CERK: variants seen among roughly 807,000 people sequenced by gnomAD.
CERK encodes the protein ceramide kinase.
In CERK, 39 loss-of-function variants were observed where a neutral mutation model predicts 63.4. That is an observed-to-expected ratio of 0.61 (90% CI 0.48 to 0.80). CERK has a LOEUF of 0.80. Among genes scored for constraint, CERK ranks in the 30% least tolerant of loss-of-function variants. CERK has a pLI of 0.00. For missense variants in CERK, 670 were observed against 714.1 expected (o/e 0.94, Z 0.70); for synonymous variants, 302 against 280.0 (o/e 1.08, Z -0.78).
chr22:46,689,383 T>C (rs577033324), intron 12 of CERK, among the ~76,000 whole-genome samples: 1 of 152,342 alleles, frequency 6.6e-6, no homozygotes, highest in South Asian at 2.1e-4. Flanking sequence ...CTTTTGAAAT[T>C]TTTTTGAGAT....
At chr22:46,731,481 G>A (rs1010230760) in intron 1 of CERK, among the ~76,000 whole-genome samples, 2 of 152,262 alleles carry the variant, frequency 1.3e-5, no homozygotes, top group Non-Finnish European at 2.9e-5. Context: ...CCACCTGGCA[G>A]TACCAGCGCC....
At chr22:46,722,636 C>T (rs1418669806) in intron 1 of CERK, among the ~76,000 whole-genome samples, 8 of 151,554 alleles carry the variant, frequency 5.3e-5, no homozygotes, top group Non-Finnish European at 7.4e-5. Flanking sequence ...CTCGGCTCAC[C>T]GCAACCTCCA....
At position 46,699,914 on chromosome 22, in the gene CERK, C is replaced by A. The variant is rs184998551; in HGVS notation, c.791-449G>T. ...GACCAGGCTGGCCAGAATGGTGAAA[C>A]CTTGTCTCTACTAAACATATAAAAA... On this transcript the variant is annotated intron_variant, in intron 7 of 12. Transcript: ENST00000216264. Among the ~76,000 whole-genome samples, 670 of 152,270 alleles carry A rather than the reference C, an allele frequency of 4.4e-3. 11 individuals carry two copies. Among genetic ancestry groups the A allele is most frequent in the Admixed American group, 0.027 (407 of 15,284 alleles).
chr22:46,726,765 C>A (rs780544301), intron 1 of CERK, among the ~76,000 whole-genome samples: 3 of 152,086 alleles, frequency 2.0e-5, no homozygotes, highest in African/African-American at 7.2e-5. Flanking sequence ...GTCAAACTGT[C>A]CCCCGCCCCT....
At position 46,737,994 on chromosome 22, in the gene CERK, C is replaced by T. The variant is rs1301190242; in HGVS notation, c.142+13G>A. 1 of 1,171,360 alleles carries T rather than the reference C, an allele frequency of 8.5e-7. No homozygotes were observed. The highest frequency in any genetic ancestry group is 1.1e-6 in the Non-Finnish European group (1 of 951,194). 72.6% of individuals were successfully genotyped at this position (1,171,360 alleles called of 1,614,324 possible). ...GCCAGGTCCGGCCGAACCCGGGCGG[C>T]GGCGACACTCACCCGCGCCGGGGGC... is the stretch of plus-strand genomic sequence containing the variant. On this transcript the variant is annotated intron_variant, in intron 1 of 12. Coordinates refer to ENST00000216264, the MANE Select transcript of CERK (RefSeq NM_022766.6).
intron 6 of CERK, among the ~76,000 whole-genome samples, chr22:46,704,651 C>T (rs2082804223): frequency 6.6e-6 from 1 of 151,822 alleles, no homozygotes; most frequent in Non-Finnish European, 1.5e-5. Flanking sequence ...ATGGTGAAAC[C>T]CTGTCTCTAC....
chr22:46,691,917 A>C, intron 10 of CERK, 140 bp from the exon 11 acceptor site: 1 of 633,692 alleles, frequency 1.6e-6, no homozygotes. Context: ...TCTTCAGCTC[A>C]ACACCAAAAA....
chr22:46,691,855 C>A, intron 10 of CERK, 78 bp from the exon 11 acceptor site: 522 of 992,806 alleles, frequency 5.3e-4, no homozygotes, highest in East Asian at 9.1e-4. Context: ...GGTGGGAGGC[C>A]ATTCGGGCTC....
chr22:46,718,442 C>T (rs983117592), intron 3 of CERK, among the ~76,000 whole-genome samples: 1 of 152,124 alleles, frequency 6.6e-6, no homozygotes, highest in African/African-American at 2.4e-5. Flanking sequence ...TCTGAACAGC[C>T]TAGTGCGGAA....
At chr22:46,703,027 G>C (rs743034) in intron 6 of CERK, among the ~76,000 whole-genome samples, 1 of 152,142 alleles carries the variant, frequency 6.6e-6, no homozygotes, top group African/African-American at 2.4e-5. Flanking sequence ...CAGGACATGC[G>C]CATCATCTCC....
chr22:46,703,517 T>C (rs1490872201), intron 6 of CERK, among the ~76,000 whole-genome samples: 4 of 152,178 alleles, frequency 2.6e-5, no homozygotes, highest in Non-Finnish European at 5.9e-5. Flanking sequence ...CTCACAACTC[T>C]TGTGCCCCCA....
chr22:46,724,409 C>T (rs1282812780), intron 1 of CERK, among the ~76,000 whole-genome samples: 1 of 152,188 alleles, frequency 6.6e-6, no homozygotes, highest in African/African-American at 2.4e-5. Flanking sequence ...GGGGCGCTAA[C>T]CCCCATGTTG....
At chr22:46,687,229 G>A in intron 12 of CERK, 23 bp from the exon 13 acceptor site, 1 of 1,600,422 alleles carries the variant, frequency 6.2e-7, no homozygotes, top group Non-Finnish European at 8.5e-7. Context: ...GCGGCCACGT[G>A]TAAACCCCAC....
chr22:46,713,183 G>A (rs1035889619), intron 3 of CERK, among the ~76,000 whole-genome samples: 1 of 152,118 alleles, frequency 6.6e-6, no homozygotes, highest in East Asian at 1.9e-4. Flanking sequence ...TCTACCCAAG[G>A]AAACTGAAAA....
At chr22:46,716,363 G>A (rs1046478919) in intron 3 of CERK, among the ~76,000 whole-genome samples, 1 of 151,376 alleles carries the variant, frequency 6.6e-6, no homozygotes, top group African/African-American at 2.4e-5. Flanking sequence ...GCTAAGTTTT[G>A]TATTTTTAGT....
chr22:46,726,829 T>C (rs979953259), intron 1 of CERK, among the ~76,000 whole-genome samples: 2 of 149,492 alleles, frequency 1.3e-5, no homozygotes, highest in East Asian at 2.1e-4. Context: ...GATACACAGA[T>C]GGAAGGTGGG....
intron 1 of CERK, among the ~76,000 whole-genome samples, chr22:46,727,136 G>A (rs537615850): frequency 3.9e-5 from 6 of 152,284 alleles, no homozygotes; most frequent in African/African-American, 7.2e-5. Context: ...CTGACCGCAC[G>A]GATGATGAAG....
At chr22:46,717,875 G>T (rs1325871325) in intron 3 of CERK, among the ~76,000 whole-genome samples, 2 of 152,130 alleles carry the variant, frequency 1.3e-5, no homozygotes, top group East Asian at 3.9e-4. Context: ...GAGGTCAGGA[G>T]TTCGAGACCA....
At chr22:46,712,123 T>C (rs201959500) in intron 4 of CERK, 45 bp downstream of exon 4, 724 of 1,609,072 alleles carry the variant, frequency 4.5e-4, no homozygotes, top group Non-Finnish European at 5.8e-4. Context: ...TATACTTGAA[T>C]CATTCTCAAA....
Sources: allele counts gnomAD v4.1 joint callset (sites outside exome capture counted in the v4.1 genomes callset), GRCh38; gene constraint gnomAD v4.1.1; transcripts MANE v1.5; gene names NCBI Gene and HGNC (gene_info 2026-07-23, HGNC 2026-07-21).